NPAS3: variants seen among roughly 807,000 people sequenced by gnomAD.
NPAS3 encodes neuronal PAS domain protein 3.
In NPAS3, 14 loss-of-function variants were observed where a neutral mutation model predicts 73.1. That is an observed-to-expected ratio of 0.19 (90% CI 0.13 to 0.30). The LOEUF (loss-of-function observed/expected upper bound fraction) is 0.30. Ranked by LOEUF, NPAS3 falls within the 10% of genes least tolerant of loss-of-function variation. NPAS3 has a pLI of 1.00. For synonymous variants in NPAS3, 620 were observed against 541.5 expected (o/e 1.14, Z -2.01); for missense variants, 1,096 against 1,250.0 (o/e 0.88, Z 1.86).
At chr14:32,999,383 T>A (rs554901710) in intron 1 of NPAS3, among the ~76,000 whole-genome samples, 1,674 of 151,992 alleles carry the variant, frequency 0.011, 14 homozygotes, top group Middle Eastern at 0.024. Context: ...TGGTGGCAGG[T>A]GCCTGTAGTC....
chr14:33,761,785 G>A (rs937406354), intron 7 of NPAS3, among the ~76,000 whole-genome samples: 2 of 150,010 alleles, frequency 1.3e-5, no homozygotes, highest in African/African-American at 5.1e-5. Flanking sequence ...GGAGAATTGA[G>A]TGTCTTGCAC....
At chr14:33,210,766 CT>C (rs1274317771) in intron 2 of NPAS3, among the ~76,000 whole-genome samples, 1 of 138,510 alleles carries the variant, frequency 7.2e-6, no homozygotes, top group Non-Finnish European at 1.5e-5. Context: ...TGTTATTGTA[CT>C]AAAAAAAAAG....
chr14:33,036,675 G>A (rs142398039), intron 1 of NPAS3, among the ~76,000 whole-genome samples: 12 of 152,094 alleles, frequency 7.9e-5, no homozygotes, highest in African/African-American at 2.9e-4. Flanking sequence ...AAAATTAGTC[G>A]TCATATAGTA....
At chr14:33,060,607 C>T (rs951210519) in intron 2 of NPAS3, among the ~76,000 whole-genome samples, 1 of 152,188 alleles carries the variant, frequency 6.6e-6, no homozygotes, top group South Asian at 2.1e-4. Context: ...CTTTGGAACC[C>T]CATCCTTTTC....
intron 3 of NPAS3, among the ~76,000 whole-genome samples, chr14:33,246,428 A>G (rs1030989831): frequency 1.3e-5 from 2 of 150,408 alleles, no homozygotes; most frequent in Non-Finnish European, 3.0e-5. Context: ...AGTCCCAGCT[A>G]CTTGGGAGGC....
chr14:32,971,040 A>G (rs1204179263), intron 1 of NPAS3, among the ~76,000 whole-genome samples: 1 of 151,902 alleles, frequency 6.6e-6, no homozygotes, highest in African/African-American at 2.4e-5. Context: ...TCTCTGTGGC[A>G]ATTAAGATTG....
At chr14:33,316,738 C>T (rs900171009) in intron 3 of NPAS3, among the ~76,000 whole-genome samples, 5 of 152,050 alleles carry the variant, frequency 3.3e-5, no homozygotes, top group African/African-American at 1.2e-4. Flanking sequence ...GAAAGCATGT[C>T]ATGTACTCTT....
chr14:32,944,525 C>T (rs1045735082), intron 1 of NPAS3, among the ~76,000 whole-genome samples: 6 of 152,112 alleles, frequency 3.9e-5, no homozygotes, highest in East Asian at 3.8e-4. Flanking sequence ...TGTTTGCATT[C>T]GGTGATGTTA....
chr14:33,149,458 G>A (rs1046979784), intron 2 of NPAS3, among the ~76,000 whole-genome samples: 2 of 152,164 alleles, frequency 1.3e-5, no homozygotes, highest in Admixed American at 1.3e-4. Flanking sequence ...CATAAATAAA[G>A]TGTACTTCAT....
chr14:33,365,163 C>G (rs114201832), intron 3 of NPAS3, among the ~76,000 whole-genome samples: 2 of 141,070 alleles, frequency 1.4e-5, no homozygotes, highest in Non-Finnish European at 3.0e-5. Context: ...TCAACTCCCC[C>G]GCTTCTCCCT....
At chr14:33,043,912 A>C (rs2040421896) in intron 1 of NPAS3, among the ~76,000 whole-genome samples, 1 of 152,112 alleles carries the variant, frequency 6.6e-6, no homozygotes, top group Non-Finnish European at 1.5e-5. Context: ...ATCATCCAGT[A>C]CTCTACTTCA....
chr14:33,690,812 T>C (rs2060214606), intron 6 of NPAS3, among the ~76,000 whole-genome samples: 1 of 150,084 alleles, frequency 6.7e-6, no homozygotes, highest in Non-Finnish European at 1.5e-5. Context: ...GGATATTCAG[T>C]AAACTGGCAT....
intron 4 of NPAS3, among the ~76,000 whole-genome samples, chr14:33,544,417 A>C (rs2054684962): frequency 6.6e-6 from 1 of 152,080 alleles, no homozygotes; most frequent in African/African-American, 2.4e-5. Flanking sequence ...CAGTGTTTGG[A>C]GATTTTAGGA....
intron 7 of NPAS3, among the ~76,000 whole-genome samples, chr14:33,738,208 G>A (rs2061570696): frequency 1.3e-5 from 2 of 152,066 alleles, no homozygotes; most frequent in African/African-American, 4.8e-5. Context: ...TGAAACTGAG[G>A]TCTTAATAGG....
chr14:33,663,341 T>C (rs1348952199), intron 5 of NPAS3, among the ~76,000 whole-genome samples: 4 of 152,182 alleles, frequency 2.6e-5, no homozygotes, highest in African/African-American at 7.2e-5. Flanking sequence ...TTTTTGTCAT[T>C]GGTTCTGTTT....
intron 6 of NPAS3, among the ~76,000 whole-genome samples, chr14:33,695,760 CAAAAG>C (rs1053309556): frequency 6.6e-6 from 1 of 152,026 alleles, no homozygotes; most frequent in Non-Finnish European, 1.5e-5. Context: ...GTGACAAAGA[CAAAAG>C]AAAGAACAAA....
chr14:33,508,476 G>T (rs1441562574), intron 4 of NPAS3, among the ~76,000 whole-genome samples: 2 of 151,958 alleles, frequency 1.3e-5, no homozygotes, highest in Admixed American at 1.3e-4. Flanking sequence ...TGAACTTGCT[G>T]TTTTACACCA....
At chr14:33,068,988 A>G (rs1001014473) in intron 2 of NPAS3, among the ~76,000 whole-genome samples, 14 of 152,172 alleles carry the variant, frequency 9.2e-5, no homozygotes, top group Non-Finnish European at 1.5e-4. Flanking sequence ...CACTCGAAAC[A>G]GAGTCTTGGG....
chr14:33,142,674 A>T (rs1303989924), intron 2 of NPAS3, among the ~76,000 whole-genome samples: 3 of 152,170 alleles, frequency 2.0e-5, no homozygotes, highest in African/African-American at 7.2e-5. Context: ...TATCTATTTG[A>T]TCTTTTTATT....
Sources: allele counts gnomAD v4.1 joint callset (sites outside exome capture counted in the v4.1 genomes callset), GRCh38; gene constraint gnomAD v4.1.1; transcripts MANE v1.5; gene names NCBI Gene and HGNC (gene_info 2026-07-23, HGNC 2026-07-21).